PPP4R3B: variants seen among roughly 807,000 people sequenced by gnomAD.
PPP4R3B encodes the protein serine/threonine-protein phosphatase 4 regulatory subunit 3B.
PPP4R3B carries 52 observed loss-of-function variants against 95.4 expected under a neutral mutation model. That is an observed-to-expected ratio of 0.54 (90% confidence interval 0.44 to 0.69). The LOEUF (loss-of-function observed/expected upper bound fraction) is 0.69. Ranked by LOEUF, PPP4R3B falls within the 30% of genes least tolerant of loss-of-function variation. The pLI, the probability that PPP4R3B is intolerant of heterozygous loss-of-function variation, is 0.00. For synonymous variants in PPP4R3B, 407 were observed against 343.9 expected, an observed-to-expected ratio of 1.18 and a Z score of -2.03; for missense variants, 1,003 against 1,005.9, an observed-to-expected ratio of 1.00 and a Z score of 0.04.
chr2:55,556,484 T>A (rs1393311260), intron 16 of PPP4R3B, among the ~76,000 whole-genome samples: 1 of 152,104 alleles, frequency 6.6e-6, no homozygotes, highest in African/African-American at 2.4e-5. Flanking sequence ...TATGCAGTAT[T>A]GACATATTAT....
intron 12 of PPP4R3B, among the ~76,000 whole-genome samples, chr2:55,572,540 G>A (rs1336260682): frequency 6.6e-6 from 1 of 152,156 alleles, no homozygotes; most frequent in South Asian, 2.1e-4. Flanking sequence ...TTCAGTATCA[G>A]ATTGATAACA....
chr2:55,578,875 CTAAT>C (rs1689051659), intron 9 of PPP4R3B, among the ~76,000 whole-genome samples: 1 of 152,062 alleles, frequency 6.6e-6, no homozygotes, highest in Admixed American at 6.5e-5. Flanking sequence ...TCTGATTTCA[CTAAT>C]TAAGTTGTAC....
At chr2:55,552,862 G>C (rs1014516037) in intron 16 of PPP4R3B, among the ~76,000 whole-genome samples, 4 of 152,188 alleles carry the variant, frequency 2.6e-5, no homozygotes, top group Non-Finnish European at 4.4e-5. Context: ...CATACAACAG[G>C]AAGAAGCCAA....
intron 3 of PPP4R3B, among the ~76,000 whole-genome samples, chr2:55,601,767 A>T (rs1222821467): frequency 1.3e-5 from 2 of 152,182 alleles, no homozygotes; most frequent in Admixed American, 1.3e-4. Flanking sequence ...CTACTACCAT[A>T]ATGTGATATG....
At chr2:55,604,879 G>T (rs1693163349) in intron 2 of PPP4R3B, among the ~76,000 whole-genome samples, 1 of 151,914 alleles carries the variant, frequency 6.6e-6, no homozygotes, top group Non-Finnish European at 1.5e-5. Flanking sequence ...CTTGCTCTGT[G>T]ACCAGACTAG....
intron 2 of PPP4R3B, among the ~76,000 whole-genome samples, chr2:55,604,535 A>G (rs553144700): frequency 4.7e-5 from 7 of 148,464 alleles, no homozygotes; most frequent in Non-Finnish European, 1.0e-4. Flanking sequence ...TTTTTTTTAT[A>G]TATCTGGAAA....
Position 55,617,597 on chromosome 2 carries a change from A to T in PPP4R3B, c.-312T>A. The T allele has an allele frequency of 3.8e-6, 1 of 264,850 alleles. No individual in the cohort carries two copies. The highest frequency in any genetic ancestry group is 7.2e-6 in the Non-Finnish European group (1 of 138,488). 16.4% of individuals were successfully genotyped at this position (264,850 alleles called of 1,614,324 possible). The stretch of plus-strand genomic sequence containing the variant: ...ACTACTACAGATCCGCCATCTTGTA[A>T]CCCGACTCTCTCTGCCTTTCTCTTC... On this transcript the variant is annotated 5_prime_UTR_variant, in exon 1 of 17. Coordinates refer to ENST00000616407, the MANE Select transcript of PPP4R3B (RefSeq NM_001122964.3).
At chr2:55,577,170 A>T in intron 11 of PPP4R3B, 145 bp downstream of exon 11, 1 of 994,364 alleles carries the variant, frequency 1.0e-6, no homozygotes, top group Non-Finnish European at 1.4e-6. Flanking sequence ...TATTGGAGAT[A>T]GTGGAATTAC....
intron 9 of PPP4R3B, among the ~76,000 whole-genome samples, chr2:55,578,671 G>T (rs981796332): frequency 6.6e-6 from 1 of 151,926 alleles, no homozygotes; most frequent in Non-Finnish European, 1.5e-5. Flanking sequence ...CAACATTCTT[G>T]TACCTGTCAT....
chr2:55,559,445 T>C (rs571592230), intron 15 of PPP4R3B, among the ~76,000 whole-genome samples: 6 of 152,328 alleles, frequency 3.9e-5, no homozygotes, highest in African/African-American at 7.2e-5. Flanking sequence ...AGTGATGATA[T>C]GGTCTGGCTC....
intron 16 of PPP4R3B, 75 bp downstream of exon 16, chr2:55,558,700 A>C: frequency 2.5e-6 from 3 of 1,199,948 alleles, no homozygotes; most frequent in Non-Finnish European, 3.5e-6. Context: ...TGATTATCCA[A>C]ATTTTTTTCA....
At chr2:55,575,492 C>T (rs541804695) in intron 11 of PPP4R3B, among the ~76,000 whole-genome samples, 1 of 152,254 alleles carries the variant, frequency 6.6e-6, no homozygotes, top group South Asian at 2.1e-4. Flanking sequence ...GTCACCCAGG[C>T]TGGAGGGCAC....
chr2:55,587,331 C>T (rs372624082), intron 5 of PPP4R3B, among the ~76,000 whole-genome samples: 37 of 152,338 alleles, frequency 2.4e-4, no homozygotes, highest in African/African-American at 8.4e-4. Context: ...CGCCTGTAAT[C>T]CCAACATTTT....
chr2:55,595,539 A>G (rs1202970039), intron 4 of PPP4R3B, among the ~76,000 whole-genome samples: 1 of 151,946 alleles, frequency 6.6e-6, no homozygotes, highest in African/African-American at 2.4e-5. Flanking sequence ...TCATTTTAAA[A>G]TAAGTCATTT....
chr2:55,596,943 A>G (rs564635883), intron 4 of PPP4R3B, among the ~76,000 whole-genome samples: 4 of 152,300 alleles, frequency 2.6e-5, no homozygotes, highest in African/African-American at 9.6e-5. Flanking sequence ...CAGCTTGGGC[A>G]ACAAGAGTGA....
At chr2:55,589,853 T>C (rs530950253) in intron 4 of PPP4R3B, among the ~76,000 whole-genome samples, 9 of 147,084 alleles carry the variant, frequency 6.1e-5, no homozygotes, top group African/African-American at 2.3e-4. Flanking sequence ...GAGGGGGAGC[T>C]TGCAGTGAGC....
intron 13 of PPP4R3B, among the ~76,000 whole-genome samples, chr2:55,566,263 G>C (rs2103961130): frequency 6.6e-6 from 1 of 152,140 alleles, no homozygotes; most frequent in East Asian, 1.9e-4. Flanking sequence ...TAGAAACCTA[G>C]GTAATGGCTC....
intron 11 of PPP4R3B, among the ~76,000 whole-genome samples, chr2:55,577,112 A>G (rs1574770571): frequency 6.6e-6 from 1 of 152,172 alleles, no homozygotes; most frequent in Non-Finnish European, 1.5e-5. Context: ...ACAAGCTATA[A>G]ATTTTCAGGG....
At chr2:55,596,235 C>A (rs1037568845) in intron 4 of PPP4R3B, among the ~76,000 whole-genome samples, 1 of 151,962 alleles carries the variant, frequency 6.6e-6, no homozygotes, top group Admixed American at 6.6e-5. Context: ...TCTTTGAGGC[C>A]GAAGCAAATC....
Sources: gnomAD v4.1 joint callset for allele counts (sites outside exome capture counted in the v4.1 genomes callset) on GRCh38, gnomAD v4.1.1 for gene constraint, MANE v1.5 for transcripts, NCBI Gene and HGNC (gene_info 2026-07-23, HGNC 2026-07-21) for gene names.